The following WWC1 variants were observed in gnomAD, a reference collection of about 807,000 sequenced individuals.
WWC1 encodes protein KIBRA.
In WWC1, 55 loss-of-function variants were observed where a neutral mutation model predicts 138.4. The ratio of observed to expected loss-of-function variants is 0.40; its 90% CI spans 0.32 to 0.50. The LOEUF (loss-of-function observed/expected upper bound fraction) is 0.50. Ranked by LOEUF, WWC1 falls within the 20% of genes least tolerant of loss-of-function variation. The probability of loss-of-function intolerance (pLI) is 0.72; values close to 1 mark genes in which losing one functional copy is unlikely to be tolerated. For synonymous variants in WWC1, 524 were observed against 564.9 expected (o/e 0.93, Z 1.03); for missense variants, 1,226 against 1,420.4 (o/e 0.86, Z 2.20).
At chr5:168,342,141 G>A (rs1039971151) in intron 1 of WWC1, among the ~76,000 whole-genome samples, 8 of 152,312 alleles carry the variant, frequency 5.3e-5, no homozygotes, top group African/African-American at 1.9e-4. Context: ...GGGGAGCACT[G>A]GGGGGACTTA....
At chr5:168,376,143 TC>T (rs1777149734) in intron 2 of WWC1, among the ~76,000 whole-genome samples, 1 of 151,956 alleles carries the variant, frequency 6.6e-6, no homozygotes, top group Non-Finnish European at 1.5e-5. Flanking sequence ...AACCTCCGCC[TC>T]CCGAGTTCAA....
chr5:168,366,220 T>C (rs1199836709), intron 1 of WWC1, among the ~76,000 whole-genome samples: 1 of 152,222 alleles, frequency 6.6e-6, no homozygotes, highest in East Asian at 1.9e-4. Context: ...TTTAAATCTT[T>C]GTGCAGCCAA....
At chr5:168,422,699 A>T (rs1264890539) in intron 10 of WWC1, among the ~76,000 whole-genome samples, 1 of 152,242 alleles carries the variant, frequency 6.6e-6, no homozygotes, top group Non-Finnish European at 1.5e-5. Flanking sequence ...CTGGGCCTCC[A>T]TGAACAACAG....
intron 15 of WWC1, among the ~76,000 whole-genome samples, chr5:168,436,569 C>A (rs1782363748): frequency 6.6e-6 from 1 of 152,184 alleles, no homozygotes; most frequent in African/African-American, 2.4e-5. Flanking sequence ...TTCACTTAAA[C>A]GTAAAATAGG....
intron 3 of WWC1, 107 bp downstream of exon 3, chr5:168,385,521 CTCTTTGTCCAAACCACCA>C: frequency 8.6e-7 from 1 of 1,160,582 alleles, no homozygotes. Flanking sequence ...TTCACCTCTA[CTCTTTGTCCAAACCACCA>C]TCTTGTTTAC....
intron 1 of WWC1, among the ~76,000 whole-genome samples, chr5:168,321,397 C>T (rs1366160132): frequency 6.6e-6 from 1 of 152,154 alleles, no homozygotes; most frequent in East Asian, 1.9e-4. Flanking sequence ...GAGAGAAGAA[C>T]TTCTGCCTTT....
At chr5:168,319,885 C>T (rs1465490407) in intron 1 of WWC1, among the ~76,000 whole-genome samples, 1 of 152,166 alleles carries the variant, frequency 6.6e-6, no homozygotes, top group African/African-American at 2.4e-5. Flanking sequence ...AGAAGGGTTC[C>T]AATTTCTCCA....
chr5:168,431,205 C>A, intron 14 of WWC1, 47 bp from the exon 15 acceptor site: 1 of 1,532,242 alleles, frequency 6.5e-7, no homozygotes, highest in Non-Finnish European at 8.8e-7. Context: ...ATTTTAGCCC[C>A]AGACATGGGC....
chr5:168,466,789 G>A (rs992916590), intron 21 of WWC1, among the ~76,000 whole-genome samples: 16 of 151,928 alleles, frequency 1.1e-4, no homozygotes, highest in African/African-American at 3.9e-4. Context: ...GGTAACCAAG[G>A]CAAAAAGAGA....
rs112398989 is a variant in WWC1 at position 168,338,312 on chromosome 5, A to G, written c.120-33112A>G. On this transcript the variant is annotated intron_variant, in intron 1 of 22. Coordinates refer to ENST00000265293, the MANE Select transcript of WWC1 (RefSeq NM_015238.3). ...GGCAACAGAGTGAGACTTTGCCTCA[A>G]AAAAAAAAAACTAAATAAATAAATA... Among the ~76,000 whole-genome samples the G allele has an allele frequency of 9.5e-3, 1,315 of 138,252 alleles. 5 individuals carry two copies. The highest frequency in any genetic ancestry group is 0.014 in the Non-Finnish European group (966 of 67,028). 90.7% of individuals were successfully genotyped at this position (138,252 alleles called of 152,430 possible). A position where few individuals can be genotyped will look rare whatever the true frequency, so the allele number is the denominator to read the frequency against.
At chr5:168,334,799 C>A (rs1270661559) in intron 1 of WWC1, among the ~76,000 whole-genome samples, 2 of 152,246 alleles carry the variant, frequency 1.3e-5, no homozygotes, top group Non-Finnish European at 2.9e-5. Context: ...AAGGGTTAGG[C>A]CCAGCTTCCA....
At chr5:168,399,929 G>A (rs147411994) in intron 5 of WWC1, among the ~76,000 whole-genome samples, 16 of 152,286 alleles carry the variant, frequency 1.1e-4, no homozygotes, top group Non-Finnish European at 5.9e-5. Context: ...GGTCTCATAT[G>A]CACACAAACA....
chr5:168,433,405 G>A (rs112742311), intron 15 of WWC1, among the ~76,000 whole-genome samples: 6 of 152,304 alleles, frequency 3.9e-5, no homozygotes, highest in African/African-American at 1.2e-4. Context: ...ACTGGATATC[G>A]GTTCCCATCT....
intron 8 of WWC1, 159 bp downstream of exon 8, chr5:168,410,154 GAAAT>G: frequency 2.7e-6 from 2 of 745,370 alleles, no homozygotes; most frequent in South Asian, 3.7e-5. Context: ...CATCCTCTCT[GAAAT>G]TCAGAGAGGA....
chr5:168,431,483 TGGCTGG>T (rs1781939103), intron 15 of WWC1, 39 bp downstream of exon 15: 14 of 1,544,570 alleles, frequency 9.1e-6, no homozygotes, highest in Non-Finnish European at 1.0e-5. Context: ...GCTGGCTGGC[TGGCTGG>T]CTGGCTGGCT....
Position 168,303,523 on chromosome 5 carries a change from C to T in WWC1, c.119+11252C>T, listed in dbSNP as rs77170033. 6.0e-3 allele frequency among the ~76,000 whole-genome samples: 913 copies of T among 152,166 alleles called. 13 individuals carry two copies. Among genetic ancestry groups the T allele is most frequent in the African/African-American group, 0.021 (873 of 41,514 alleles). ...ACACCAGAGGCTAAGGTGGGAGGATCGCTTGATCTCAAGAGGTCAAGGCTG... is the reference window on the plus strand; with the variant it reads ...ACACCAGAGGCTAAGGTGGGAGGATTGCTTGATCTCAAGAGGTCAAGGCTG... On this transcript the variant is annotated intron_variant, in intron 1 of 22. Coordinates refer to ENST00000265293, the MANE Select transcript of WWC1 (RefSeq NM_015238.3).
intron 10 of WWC1, among the ~76,000 whole-genome samples, chr5:168,422,326 A>G (rs1280601060): frequency 6.6e-6 from 1 of 152,236 alleles, no homozygotes; most frequent in Non-Finnish European, 1.5e-5. Context: ...CAGGCAGGTA[A>G]TAGGTAGTCT....
chr5:168,397,612 G>A (rs1408601587), intron 3 of WWC1, 112 bp from the exon 4 acceptor site: 2 of 1,052,216 alleles, frequency 1.9e-6, no homozygotes, highest in East Asian at 2.5e-5. Flanking sequence ...GAACATTTAG[G>A]TTGTTCACTT....
At chr5:168,424,391 G>T (rs914273619) in intron 11 of WWC1, among the ~76,000 whole-genome samples, 3 of 152,144 alleles carry the variant, frequency 2.0e-5, no homozygotes, top group Non-Finnish European at 4.4e-5. Context: ...CCAGGCACTG[G>T]GTTGGTCACT....
Sources: allele counts gnomAD v4.1 joint callset (sites outside exome capture counted in the v4.1 genomes callset), GRCh38; gene constraint gnomAD v4.1.1; transcripts MANE v1.5; gene names NCBI Gene and HGNC (gene_info 2026-07-23, HGNC 2026-07-21).